SREBF2: variants seen among roughly 807,000 people sequenced by gnomAD.
SREBF2 encodes the protein sterol regulatory element-binding protein 2.
SREBF2 carries 55 observed loss-of-function variants against 113.1 expected under a neutral mutation model. That is an observed-to-expected ratio of 0.49 (90% CI 0.39 to 0.61). SREBF2 has a LOEUF of 0.61. SREBF2 is among the 20% of genes least tolerant of loss of function. The pLI, the probability that SREBF2 is intolerant of heterozygous loss-of-function variation, is 0.00. For synonymous variants in SREBF2, 593 were observed against 605.7 expected (o/e 0.98, Z 0.31); for missense variants, 1,349 against 1,487.4 (o/e 0.91, Z 1.53).
At chr22:41,873,685 T>C (rs2077166602) in intron 4 of SREBF2, 113 bp from the exon 5 acceptor site, 2 of 1,053,902 alleles carry the variant, frequency 1.9e-6, no homozygotes, top group Admixed American at 4.0e-5. Context: ...TCAGACCTCA[T>C]GAAGTACTGC....
intron 4 of SREBF2, among the ~76,000 whole-genome samples, chr22:41,871,579 A>C (rs552310848): frequency 6.6e-6 from 1 of 152,338 alleles, no homozygotes; most frequent in South Asian, 2.1e-4. Flanking sequence ...ATACAATGAA[A>C]TTATGCCTAG....
intron 1 of SREBF2, among the ~76,000 whole-genome samples, chr22:41,864,223 C>CATATATATATATATAT (rs756489276): frequency 1.3e-4 from 6 of 46,332 alleles, no homozygotes; most frequent in Non-Finnish European, 1.7e-4. Context: ...CTTCTGCAAG[C>CATATATATATATATAT]ATATATATAT....
chr22:41,900,682 T>G (rs1192610393), intron 16 of SREBF2, among the ~76,000 whole-genome samples, 184 bp downstream of exon 16: 1 of 152,230 alleles, frequency 6.6e-6, no homozygotes, highest in Non-Finnish European at 1.5e-5. Context: ...TCATCCCTTT[T>G]CAGCCTCTGA....
intron 8 of SREBF2, 88 bp from the exon 9 acceptor site, chr22:41,877,854 T>C (rs1283227820): frequency 7.2e-7 from 1 of 1,391,222 alleles, no homozygotes; most frequent in African/African-American, 1.4e-5. Context: ...TAGAAGACTC[T>C]TTCCTGTGAT....
chr22:41,900,330 G>T lies in SREBF2; in HGVS notation c.2739G>T (p.Glu913Asp), dbSNP rs1465668904. The change falls in exon 16 of 19, where the codon GAG becomes GAT. Residue 913 changes from glutamate to aspartate, a missense_variant and splice_region_variant. By Grantham distance (45) the Glu-to-Asp change is conservative. Coordinates refer to ENST00000361204, the MANE Select transcript of SREBF2 (RefSeq NM_004599.4). ...ERIPKALEVTESPLVKAIFHA... is the reference protein window; with the variant it reads ...ERIPKALEVTDSPLVKAIFHA... ...TCTCGACTCCCTGTCACTGCTGCAGGAGCCCCCTGGTGAAGGCCATCTTCC... is the reference window on the plus strand; with the variant it reads ...TCTCGACTCCCTGTCACTGCTGCAGTAGCCCCCTGGTGAAGGCCATCTTCC... 1 of 1,612,722 alleles carries T rather than the reference G, an allele frequency of 6.2e-7. No individual in the cohort carries two copies. The highest frequency in any genetic ancestry group is 1.1e-5 in the South Asian group (1 of 91,082).
rs1010017767 is a variant in SREBF2, at chr22:41,867,388, A to G, written c.538+108A>G. Reference sequence around the variant, plus strand: ...GTCTTCAGGAATGGCAGGTATATCAATATGGTCCTGTCTGAATGAGGTTCT... The same window carrying G: ...GTCTTCAGGAATGGCAGGTATATCAGTATGGTCCTGTCTGAATGAGGTTCT... On this transcript the variant is annotated intron_variant, in intron 2 of 18. Coordinates refer to ENST00000361204, the MANE Select transcript of SREBF2 (RefSeq NM_004599.4). The G allele has an allele frequency of 9.9e-6, 12 of 1,211,928 alleles. No homozygotes were observed. In the Admixed American group the frequency reaches 1.6e-4, roughly 16 times the overall value. 75.1% of individuals were successfully genotyped at this position (1,211,928 alleles called of 1,614,324 possible). A position where few individuals can be genotyped will look rare whatever the true frequency, so the allele number is the denominator to read the frequency against.
At position 41,877,362 on chromosome 22, in the gene SREBF2, ACG is replaced by A; in HGVS notation, c.1521_1522del (p.His507GlnfsTer3). 6.2e-7 allele frequency: 1 copy of A among 1,614,106 alleles called. No homozygotes were observed. The highest frequency in any genetic ancestry group is 8.5e-7 in the Non-Finnish European group (1 of 1,180,014). On this transcript the variant is annotated frameshift_variant, in exon 8 of 19. Coordinates refer to ENST00000361204, the MANE Select transcript of SREBF2 (RefSeq NM_004599.4). LOFTEE classifies it high-confidence loss of function. Reference sequence around the variant, plus strand: ...TCCCTGCTGCAGTGGGGAGGGGCCCACGACTCTGACCAGCACCCACACTCAGG... The same window carrying A: ...TCCCTGCTGCAGTGGGGAGGGGCCCAACTCTGACCAGCACCCACACTCAGG...
chr22:41,859,967 A>G (rs1053025386), intron 1 of SREBF2, among the ~76,000 whole-genome samples: 1 of 151,524 alleles, frequency 6.6e-6, no homozygotes, highest in South Asian at 2.1e-4. Flanking sequence ...CACCACGCCC[A>G]GCTAATTTTT....
In SREBF2 at chr22:41,868,714, A is replaced by G; in HGVS notation, c.642A>G (p.Gln214=). The part of the protein sequence containing the change: ...QTVQAQRVLT[Q]TANGTLQTLA... ...TACAGGCCCAGCGGGTGCTGACACA[A>G]ACGGCCAATGGCACGCTGCAGACCC... is the stretch of plus-strand genomic sequence containing the variant. The change falls in exon 3 of 19, where the codon CAA becomes CAG. Residue 214 remains glutamine (Q), a synonymous_variant. Coordinates refer to ENST00000361204, the MANE Select transcript of SREBF2 (RefSeq NM_004599.4). The G allele has an allele frequency of 1.9e-6, 3 of 1,614,196 alleles. No homozygotes were observed. The highest frequency in any genetic ancestry group is 2.5e-6 in the Non-Finnish European group (3 of 1,180,034).
intron 2 of SREBF2, 102 bp from the exon 3 acceptor site, chr22:41,868,509 G>A: frequency 7.4e-7 from 1 of 1,350,710 alleles, no homozygotes; most frequent in Non-Finnish European, 1.1e-6. Context: ...TAGGTGGGGA[G>A]TTGGAATCAT....
In SREBF2 at chr22:41,875,339, G is replaced by A; in HGVS notation, c.1092G>A (p.Met364Ile). The change falls in exon 6 of 19, where the codon ATG (methionine) becomes ATA (isoleucine). Residue 364 changes from methionine (M) to isoleucine (I), a missense_variant and splice_region_variant. Transcript: ENST00000361204. ...TTTTCACTCATCTTCCTACCCAGAT[G>A]CACAAGTCTGGCGTTCTGAGGAAGG... is the stretch of plus-strand genomic sequence containing the variant. ...KDLVMGTDAK[M>I]HKSGVLRKAI... 1.2e-6 allele frequency: 2 copies of A among 1,613,664 alleles called. No individual in the cohort carries two copies. Among genetic ancestry groups the A allele is most frequent in the African/African-American group, 1.3e-5 (1 of 75,040 alleles).
intron 1 of SREBF2, among the ~76,000 whole-genome samples, chr22:41,855,301 T>C (rs1400684961): frequency 6.6e-6 from 1 of 152,178 alleles, no homozygotes; most frequent in Non-Finnish European, 1.5e-5. Flanking sequence ...GGCGAGTGGA[T>C]CACTTGAGGT....
chr22:41,878,865 G>C (rs1287861746), intron 9 of SREBF2: 1 of 608,840 alleles, frequency 1.6e-6, no homozygotes, highest in Non-Finnish European at 2.6e-6. Context: ...ATGGGTCTCA[G>C]AATATAGATG....
At chr22:41,871,353 C>T (rs1053976132) in intron 4 of SREBF2, among the ~76,000 whole-genome samples, 2 of 152,118 alleles carry the variant, frequency 1.3e-5, no homozygotes, top group Non-Finnish European at 2.9e-5. Context: ...GACCCTAGGG[C>T]CACCAGGCAG....
At chr22:41,847,582 A>G (rs1569372587) in intron 1 of SREBF2, among the ~76,000 whole-genome samples, 3 of 152,176 alleles carry the variant, frequency 2.0e-5, no homozygotes, top group Non-Finnish European at 2.9e-5. Flanking sequence ...CCGTATGATG[A>G]TAGAACCAAA....
intron 1 of SREBF2, among the ~76,000 whole-genome samples, chr22:41,836,843 G>A (rs1412235506): frequency 6.6e-6 from 1 of 152,168 alleles, no homozygotes; most frequent in African/African-American, 2.4e-5. Flanking sequence ...GTGGGGATAA[G>A]GGGTGGATGC....
At chr22:41,871,744 T>C (rs1051092619) in intron 4 of SREBF2, among the ~76,000 whole-genome samples, 1 of 151,360 alleles carries the variant, frequency 6.6e-6, no homozygotes, top group Admixed American at 6.6e-5. Context: ...ATACAAAAAT[T>C]AGCTGGGTAT....
chr22:41,868,899 A>G (rs2148379972), intron 3 of SREBF2, 107 bp downstream of exon 3: 1 of 1,443,368 alleles, frequency 6.9e-7, no homozygotes, highest in Non-Finnish European at 9.5e-7. Flanking sequence ...AGTGTACACA[A>G]AGCAGCTTGT....
At chr22:41,874,669 A>G (rs1453677983) in intron 5 of SREBF2, among the ~76,000 whole-genome samples, 1 of 152,218 alleles carries the variant, frequency 6.6e-6, no homozygotes, top group Non-Finnish European at 1.5e-5. Flanking sequence ...GCACTTTGGG[A>G]GGCTGAGGCG....
Sources: allele counts gnomAD v4.1 joint callset (sites outside exome capture counted in the v4.1 genomes callset), GRCh38; gene constraint gnomAD v4.1.1; transcripts MANE v1.5; gene names NCBI Gene and HGNC (gene_info 2026-07-23, HGNC 2026-07-21).